PTPRN2: variants seen among roughly 807,000 people sequenced by gnomAD.
PTPRN2 encodes the protein receptor-type tyrosine-protein phosphatase N2.
A neutral mutation model predicts 118.8 loss-of-function variants in PTPRN2; 74 were observed. That is an observed-to-expected ratio of 0.62 (90% CI 0.52 to 0.76). The LOEUF is 0.76. PTPRN2 is among the 30% of genes least tolerant of loss of function. The probability of loss-of-function intolerance (pLI) is 0.00; values close to 1 mark genes in which losing one functional copy is unlikely to be tolerated. For synonymous variants in PTPRN2, 641 were observed against 608.0 expected, an observed-to-expected ratio of 1.05 and a Z score of -0.80; for missense variants, 1,481 against 1,394.4, an observed-to-expected ratio of 1.06 and a Z score of -0.99.
chr7:158,463,582 A>T (rs993921549), intron 2 of PTPRN2, among the ~76,000 whole-genome samples: 1 of 151,712 alleles, frequency 6.6e-6, no homozygotes, highest in Non-Finnish European at 1.5e-5. Flanking sequence ...ATTGTTGTCA[A>T]TATCACCGTC....
chr7:157,850,295 C>A (rs1012445024), intron 12 of PTPRN2, among the ~76,000 whole-genome samples: 3 of 146,218 alleles, frequency 2.1e-5, no homozygotes, highest in African/African-American at 7.5e-5. Context: ...CTCAGGCTCG[C>A]GTAAGGGATC....
chr7:158,133,107 A>G (rs1416417788), intron 9 of PTPRN2, among the ~76,000 whole-genome samples: 1 of 152,204 alleles, frequency 6.6e-6, no homozygotes, highest in Non-Finnish European at 1.5e-5. Flanking sequence ...GGGCGGGGAA[A>G]GAGGCTCGCT....
chr7:158,171,760 A>G (rs1213732102), intron 5 of PTPRN2, among the ~76,000 whole-genome samples: 1 of 152,108 alleles, frequency 6.6e-6, no homozygotes, highest in Non-Finnish European at 1.5e-5. Context: ...AAATTCTGTG[A>G]CTCATTTTCA....
At chr7:157,918,098 C>A (rs1183871402) in intron 11 of PTPRN2, among the ~76,000 whole-genome samples, 8 of 152,168 alleles carry the variant, frequency 5.3e-5, no homozygotes, top group Admixed American at 4.6e-4. Flanking sequence ...TTAGGTTCTG[C>A]GTTTTCTTAG....
chr7:158,327,973 T>C (rs1211333547), intron 2 of PTPRN2, among the ~76,000 whole-genome samples: 1 of 152,106 alleles, frequency 6.6e-6, no homozygotes, highest in Non-Finnish European at 1.5e-5. Flanking sequence ...CCAGCTATTT[T>C]TGGAGGAGGG....
intron 3 of PTPRN2, among the ~76,000 whole-genome samples, chr7:158,308,087 C>A (rs185778795): frequency 6.6e-6 from 1 of 152,062 alleles, no homozygotes; most frequent in African/African-American, 2.4e-5. Context: ...TATAAATTAC[C>A]CAGTTTCAGA....
intron 3 of PTPRN2, among the ~76,000 whole-genome samples, chr7:158,278,453 A>T (rs1180762312): frequency 6.6e-6 from 1 of 151,906 alleles, no homozygotes; most frequent in Non-Finnish European, 1.5e-5. Context: ...GCTACGTGGG[A>T]GGCTGCAGCA....
At chr7:157,916,476 C>T (rs995114868) in intron 11 of PTPRN2, among the ~76,000 whole-genome samples, 13 of 152,238 alleles carry the variant, frequency 8.5e-5, no homozygotes, top group African/African-American at 2.9e-4. Flanking sequence ...AACTGCTCTC[C>T]TCTAATTACC....
intron 2 of PTPRN2, among the ~76,000 whole-genome samples, chr7:158,371,706 T>A (rs1049976306): frequency 2.0e-5 from 3 of 152,176 alleles, no homozygotes; most frequent in African/African-American, 7.2e-5. Context: ...AAGGAAATGA[T>A]TCATATGCGG....
At chr7:158,011,765 G>A (rs1051106228) in intron 11 of PTPRN2, among the ~76,000 whole-genome samples, 3 of 152,032 alleles carry the variant, frequency 2.0e-5, no homozygotes, top group South Asian at 4.2e-4. Context: ...GAGTTCCCTC[G>A]GACCCACAGA....
rs1827509658 is a variant in PTPRN2, at chr7:158,563,588, G to T, written c.112+23970C>A. 6.6e-6 allele frequency among the ~76,000 whole-genome samples: 1 copy of T among 152,238 alleles called. No homozygotes were observed. Among genetic ancestry groups the T allele is most frequent in the Non-Finnish European group, 1.5e-5 (1 of 68,042 alleles). On this transcript the variant is annotated intron_variant, in intron 1 of 22. Coordinates refer to ENST00000389418, the MANE Select transcript of PTPRN2 (RefSeq NM_002847.5). The surrounding 1 kb of genome is among the most constrained non-coding windows in gnomAD (Gnocchi z 5.1). ...ATGCTCCCAGCCCACCCCGATGGGA[G>T]TGTTGGATGAAGAATCCTGCAGCTC... is the stretch of plus-strand genomic sequence containing the variant.
At chr7:157,684,002 T>C (rs1797040297) in intron 12 of PTPRN2, among the ~76,000 whole-genome samples, 2 of 152,184 alleles carry the variant, frequency 1.3e-5, no homozygotes, top group South Asian at 2.1e-4. Flanking sequence ...CTATTCATTA[T>C]CTCTCTTCTA....
At chr7:158,569,668 A>ACTGACAGGAACGCGGGGCACGAGGCCGC (rs1827870523) in intron 1 of PTPRN2, among the ~76,000 whole-genome samples, 28 of 112,904 alleles carry the variant, frequency 2.5e-4, no homozygotes, top group Admixed American at 1.2e-3. Flanking sequence ...AGGCCGCCTA[A>ACTGACAGGAACGCGGGGCACGAGGCCGC]CTGACAGGAA....
chr7:158,258,917 C>T (rs767213614), intron 3 of PTPRN2, among the ~76,000 whole-genome samples: 23 of 152,126 alleles, frequency 1.5e-4, no homozygotes, highest in Non-Finnish European at 3.1e-4. Context: ...GTAGACACAC[C>T]GGCTAGGAGA....
chr7:157,745,329 A>T (rs1295243313), intron 12 of PTPRN2, among the ~76,000 whole-genome samples: 1 of 151,976 alleles, frequency 6.6e-6, no homozygotes, highest in Non-Finnish European at 1.5e-5. Context: ...GGACTCGTCC[A>T]CCCTCTCACT....
At chr7:157,981,366 C>T (rs1333046565) in intron 11 of PTPRN2, among the ~76,000 whole-genome samples, 1 of 148,520 alleles carries the variant, frequency 6.7e-6, no homozygotes, top group Non-Finnish European at 1.5e-5. Context: ...ACTGCTCAAA[C>T]TCCTGCTATT....
chr7:157,793,527 CG>C (rs1804659620), intron 12 of PTPRN2, among the ~76,000 whole-genome samples: 1 of 139,408 alleles, frequency 7.2e-6, no homozygotes, highest in Admixed American at 7.0e-5. Flanking sequence ...GGGGCAAGGG[CG>C]GGGCGTGGTG....
intron 12 of PTPRN2, among the ~76,000 whole-genome samples, chr7:157,762,149 CT>C: frequency 6.6e-6 from 1 of 152,152 alleles, no homozygotes; most frequent in South Asian, 2.1e-4. Flanking sequence ...GTTGGTGGGA[CT>C]GCAAACTAGT....
chr7:158,556,253 C>T (rs377662721), intron 1 of PTPRN2, among the ~76,000 whole-genome samples: 12 of 152,036 alleles, frequency 7.9e-5, no homozygotes, highest in South Asian at 2.1e-4. Flanking sequence ...ATGATTGATA[C>T]GTAAAGACAG....
Sources: allele counts gnomAD v4.1 joint callset (sites outside exome capture counted in the v4.1 genomes callset), GRCh38; gene constraint gnomAD v4.1.1; non-coding constraint Gnocchi (gnomAD v3.1); transcripts MANE v1.5; gene names NCBI Gene and HGNC (gene_info 2026-07-23, HGNC 2026-07-21).